TMEM82: variants seen among roughly 807,000 people sequenced by gnomAD.
TMEM82 encodes the protein transmembrane protein 82.
A neutral mutation model predicts 29.2 loss-of-function variants in TMEM82; 30 were observed. The observed-to-expected ratio is 1.03, with a 90% CI of 0.77 to 1.39. The LOEUF (loss-of-function observed/expected upper bound fraction) is 1.39, where lower values mean the gene tolerates loss of function less well. TMEM82 is among the 40% of genes most tolerant of loss of function. The pLI is 0.00. For missense variants in TMEM82, 442 were observed against 447.7 expected (o/e 0.99, Z 0.12); for synonymous variants, 221 against 225.4 (o/e 0.98, Z 0.18).
chr1:15,742,839 G>C lies in TMEM82; in HGVS notation c.93G>C (p.Leu31=), dbSNP rs759911987. The change falls in exon 2 of 6, where the codon CTG becomes CTC. Residue 31 remains leucine (L), a synonymous_variant. Transcript: ENST00000375782. The stretch of plus-strand genomic sequence containing the variant: ...GCCTCCCTCCCGCCCCCTCAGGCCT[G>C]ATCGGGGCCCTTGGAGTCTTGGTCC... ...SSLLDSLLQG[L]IGALGVLVLN... 1 of 1,612,602 alleles carries C rather than the reference G, an allele frequency of 6.2e-7. No individual in the cohort carries two copies. The highest frequency in any genetic ancestry group is 1.1e-5 in the South Asian group (1 of 91,060).
chr1:15,747,482 G>T, intron 5 of TMEM82, 64 bp from the exon 6 acceptor site: 1 of 1,416,904 alleles, frequency 7.1e-7, no homozygotes, highest in African/African-American at 1.4e-5. Flanking sequence ...CCGGGTCACT[G>T]GAGGCCCAAG....
At position 15,746,870 on chromosome 1, in the gene TMEM82, A is replaced by G; in HGVS notation, c.761A>G (p.Glu254Gly). The change falls in exon 5 of 6, where the codon GAG becomes GGG. Residue 254 changes from glutamate (E) to glycine (G), a missense_variant. Transcript: ENST00000375782. ...GACAGGCACCCGCATCCCACAGAGGAGCAGCGGCAGCACCCCGGCCTGCAG... is the reference window on the plus strand; with the variant it reads ...GACAGGCACCCGCATCCCACAGAGGGGCAGCGGCAGCACCCCGGCCTGCAG... ...YTLLVIYMQE[E>G]QRQHPGLQSQ... The G allele has an allele frequency of 1.3e-6, 2 of 1,575,294 alleles. No individual in the cohort carries two copies. The highest frequency in any genetic ancestry group is 1.7e-6 in the Non-Finnish European group (2 of 1,166,560).
chr1:15,742,504 G>C lies in TMEM82; in HGVS notation c.-56G>C, dbSNP rs967737719. 1.5e-5 allele frequency: 20 copies of C among 1,339,040 alleles called. No homozygotes were observed. Among genetic ancestry groups the C allele is most frequent in the African/African-American group, 9.9e-5 (6 of 60,562 alleles). The allele number at this position is 1,339,040 out of a possible 1,614,324, so 82.9% of individuals were successfully genotyped here. A position where few individuals can be genotyped will look rare whatever the true frequency, so the allele number is the denominator to read the frequency against. Reference sequence around the variant, plus strand: ...TCCACCGACACCTTTGCCCAGTGACGTTGGTCTGTCCTTACGCAGACCTGG... The same window carrying C: ...TCCACCGACACCTTTGCCCAGTGACCTTGGTCTGTCCTTACGCAGACCTGG... On this transcript the variant is annotated 5_prime_UTR_variant, in exon 1 of 6. Transcript: ENST00000375782.
intron 3 of TMEM82, 64 bp downstream of exon 3, chr1:15,743,258 G>A (rs1011635401): frequency 7.7e-5 from 117 of 1,515,692 alleles, no homozygotes; most frequent in Non-Finnish European, 9.3e-5. Flanking sequence ...CTCACCCCCG[G>A]AATGTGGGCA....
At position 15,747,599 on chromosome 1, in the gene TMEM82, G is replaced by A. The variant is rs201273367; in HGVS notation, c.999G>A (p.Ser333=). 2.1e-5 allele frequency: 34 copies of A among 1,614,058 alleles called. No homozygotes were observed. The highest frequency in any genetic ancestry group is 1.6e-4 in the South Asian group (15 of 91,072). ...CAACACCAAGCCAGCCCCTGCCCTC[G>A]GCACCCCAGTCCCAGAGTTCGGCCC... is the stretch of plus-strand genomic sequence containing the variant. ...PVSTPSQPLP[S]APQSQSSAPS is the part of the protein sequence containing the mutation. The change falls in exon 6 of 6, where the codon TCG becomes TCA. Residue 333 remains serine, a synonymous_variant. Transcript: ENST00000375782.
Position 15,742,580 on chromosome 1 carries a change from CCCCTCCTGGCTCCCCGGCCTCCCCT to C in TMEM82, c.27_51del (p.Trp10SerfsTer14). ...CTGCCATGTTCTCTCTTCCATCCCT[CCCCTCCTGGCTCCCCGGCCTCCCCT>C]CCCTCGAGTGGGGCTCTAGCCTCCT... On this transcript the variant is annotated frameshift_variant, in exon 1 of 6. Coordinates refer to ENST00000375782, the MANE Select transcript of TMEM82 (RefSeq NM_001013641.3). LOFTEE classifies it high-confidence loss of function. 1 of 1,595,672 alleles carries C rather than the reference CCCCTCCTGGCTCCCCGGCCTCCCCT, an allele frequency of 6.3e-7. No homozygotes were observed. The highest frequency in any genetic ancestry group is 8.5e-7 in the Non-Finnish European group (1 of 1,172,138).
Position 15,743,128 on chromosome 1 carries a change from G to C in TMEM82, c.270G>C (p.Arg90=), listed in dbSNP as rs759408845. 1 of 1,611,900 alleles carries C rather than the reference G, an allele frequency of 6.2e-7. No homozygotes were observed. The highest frequency in any genetic ancestry group is 1.3e-5 in the African/African-American group (1 of 74,932). ...TGTTTCTGACGGTCGTGGGGTCCCG[G>C]GTGGCTGCCCTCGTGGTGCTCGAGT... The part of the protein sequence containing the change: ...LALFLTVVGS[R]VAALVVLEFS... Residue 90 remains arginine (R), a synonymous_variant, in exon 3 of 6, where the codon CGG becomes CGC. Transcript: ENST00000375782.
In TMEM82 at chr1:15,747,920, G is replaced by C; in HGVS notation, c.*288G>C. On this transcript the variant is annotated 3_prime_UTR_variant, in exon 6 of 6. Transcript: ENST00000375782. The stretch of plus-strand genomic sequence containing the variant: ...AGGGGTGGGGGTGCATCCTCAGGAG[G>C]GCTCCCCCTTTACTGGTCTCCCTTC... The C allele has an allele frequency of 2.7e-6, 1 of 364,366 alleles. No homozygotes were observed. The allele number at this position is 364,366 out of a possible 1,614,324, so 22.6% of individuals were successfully genotyped here. A position where few individuals can be genotyped will look rare whatever the true frequency, so the allele number is the denominator to read the frequency against.
At position 15,746,922 on chromosome 1, in the gene TMEM82, C is replaced by T; in HGVS notation, c.813C>T (p.Arg271=). The T allele has an allele frequency of 1.2e-6, 2 of 1,607,958 alleles. No individual in the cohort carries two copies. Among genetic ancestry groups the T allele is most frequent in the East Asian group, 2.2e-5 (1 of 44,848 alleles). The part of the protein sequence containing the change: ...LQSQVQTVLV[R]MGGLFVLLLT... ...GCCAGGTGCAGACGGTGCTGGTGCG[C>T]ATGGGCGGCCTCTTCGTGCTGCTGC... The change falls in exon 5 of 6, where the codon CGC becomes CGT. Residue 271 remains arginine, a synonymous_variant. Transcript: ENST00000375782.
chr1:15,743,381 T>G (rs996050188), intron 3 of TMEM82, among the ~76,000 whole-genome samples, 187 bp downstream of exon 3: 1 of 152,240 alleles, frequency 6.6e-6, no homozygotes, highest in East Asian at 1.9e-4. Flanking sequence ...ACACTCACAG[T>G]GGACACAGTC....
chr1:15,747,484 A>G (rs2068345236), intron 5 of TMEM82, 62 bp from the exon 6 acceptor site: 1 of 1,417,938 alleles, frequency 7.1e-7, no homozygotes, highest in Admixed American at 1.7e-5. Context: ...GGGTCACTGG[A>G]GGCCCAAGGC....
chr1:15,743,037 C>T lies in TMEM82; in HGVS notation c.179C>T (p.Pro60Leu). ...VGCANDPQRRPEKERLRAQWA... is the reference protein window; with the variant it reads ...VGCANDPQRRLEKERLRAQWA... ...CCCCAAAGTGACCCGCAGCGGCGAC[C>T]CGAAAAGGAGCGGCTTCGGGCCCAG... The change falls in exon 3 of 6, where the codon CCC (proline) becomes CTC (leucine). Residue 60 changes from proline to leucine, a missense_variant. Transcript: ENST00000375782. 6.2e-7 allele frequency: 1 copy of T among 1,600,846 alleles called. No individual in the cohort carries two copies. The highest frequency in any genetic ancestry group is 8.5e-7 in the Non-Finnish European group (1 of 1,173,358).
chr1:15,745,110 G>A (rs1473298640), intron 4 of TMEM82, among the ~76,000 whole-genome samples: 5 of 152,180 alleles, frequency 3.3e-5, no homozygotes, highest in African/African-American at 1.2e-4. Flanking sequence ...GCAGTGGCAC[G>A]ATCATGGCTC....
intron 3 of TMEM82, among the ~76,000 whole-genome samples, 167 bp downstream of exon 3, chr1:15,743,361 G>A (rs144606198): frequency 7.2e-5 from 11 of 152,350 alleles, no homozygotes; most frequent in East Asian, 5.8e-4. Context: ...GTTTGGTTGC[G>A]GAAGCGGCCA....
intron 3 of TMEM82, among the ~76,000 whole-genome samples, chr1:15,743,951 C>T (rs956058147): frequency 1.3e-5 from 2 of 150,908 alleles, no homozygotes; most frequent in African/African-American, 4.9e-5. Flanking sequence ...GGTGACAGAG[C>T]AAGACTCTGT....
rs753311768 is a variant in TMEM82 at position 15,743,182 on chromosome 1, G to A, written c.324G>A (p.Leu108=). The change falls in exon 3 of 6, where the codon CTG becomes CTA. Residue 108 remains leucine, a synonymous_variant. Transcript: ENST00000375782. ...EFSLRAVSTL[L]SLGKGSQGAA... is the part of the protein sequence containing the mutation. Reference sequence around the variant, plus strand: ...CCCTCCGGGCCGTGTCCACGCTGCTGTCCCTGGGCAAGGTGAGGCCTCCGG... The same window carrying A: ...CCCTCCGGGCCGTGTCCACGCTGCTATCCCTGGGCAAGGTGAGGCCTCCGG... 5 of 1,607,768 alleles carry A rather than the reference G, an allele frequency of 3.1e-6. No homozygotes were observed. Among genetic ancestry groups the A allele is most frequent in the Middle Eastern group, 1.7e-4 (1 of 6,026 alleles).
rs1350397418 is a variant in TMEM82, at chr1:15,747,174, C to A, written c.945+120C>A. The A allele has an allele frequency of 1.2e-5, 13 of 1,063,500 alleles. No homozygotes were observed. The Admixed American group carries it at 3.1e-4, about 25-fold the overall frequency. The allele number at this position is 1,063,500 out of a possible 1,614,324, so 65.9% of individuals were successfully genotyped here. On this transcript the variant is annotated intron_variant, in intron 5 of 5. Coordinates refer to ENST00000375782, the MANE Select transcript of TMEM82 (RefSeq NM_001013641.3). The stretch of plus-strand genomic sequence containing the variant: ...GGGCACGGTCTCTCACACCTGTAAT[C>A]CCAAATACTCAGGAGGCTGAGACCT...
Position 15,746,871 on chromosome 1 carries a change from G to T in TMEM82, c.762G>T (p.Glu254Asp). ...ACAGGCACCCGCATCCCACAGAGGA[G>T]CAGCGGCAGCACCCCGGCCTGCAGA... ...YTLLVIYMQE[E>D]QRQHPGLQSQ... The change falls in exon 5 of 6, where the codon GAG becomes GAT. Residue 254 changes from glutamate (E) to aspartate (D), a missense_variant. Coordinates refer to ENST00000375782, the MANE Select transcript of TMEM82 (RefSeq NM_001013641.3). 1 of 1,576,440 alleles carries T rather than the reference G, an allele frequency of 6.3e-7. No homozygotes were observed.
chr1:15,745,636 T>C (rs1300246606), intron 4 of TMEM82, among the ~76,000 whole-genome samples: 1 of 151,890 alleles, frequency 6.6e-6, no homozygotes, highest in Non-Finnish European at 1.5e-5. Flanking sequence ...CTCACGCCTG[T>C]AATCCCAGCA....
Sources: gnomAD v4.1 joint callset for allele counts (sites outside exome capture counted in the v4.1 genomes callset) on GRCh38, gnomAD v4.1.1 for gene constraint, MANE v1.5 for transcripts, NCBI Gene and HGNC (gene_info 2026-07-23, HGNC 2026-07-21) for gene names.